KDM4C: variants seen among roughly 807,000 people sequenced by gnomAD.
KDM4C encodes the protein lysine-specific demethylase 4C.
KDM4C carries 81 observed loss-of-function variants against 129.3 expected under a neutral mutation model. That is an observed-to-expected ratio of 0.63 (90% CI 0.52 to 0.75). The LOEUF (loss-of-function observed/expected upper bound fraction) is 0.75, where lower values mean the gene tolerates loss of function less well. Among genes scored for constraint, KDM4C ranks in the 30% least tolerant of loss-of-function variants. KDM4C has a pLI of 0.00. For synonymous variants in KDM4C, 573 were observed against 456.1 expected, an observed-to-expected ratio of 1.26 and a Z score of -3.26; for missense variants, 1,457 against 1,304.0, an observed-to-expected ratio of 1.12 and a Z score of -1.81.
intron 8 of KDM4C, among the ~76,000 whole-genome samples, chr9:6,968,417 G>T (rs1488128683): frequency 1.3e-5 from 2 of 152,170 alleles, no homozygotes; most frequent in East Asian, 3.8e-4. Flanking sequence ...TCTTGGTGAA[G>T]CAGTTTTTTA....
At position 6,919,418 on chromosome 9, in the gene KDM4C, G is replaced by GA. The variant is rs988206177; in HGVS notation, c.921+26195dup. ...AGTTCCTTTTGCTGTGCAGAAGCTT[G>GA]AAAAAAAAATCTTAATCCCTCTTTC... is the stretch of plus-strand genomic sequence containing the variant. On this transcript the variant is annotated intron_variant, in intron 8 of 21. Transcript: ENST00000381309. Among the ~76,000 whole-genome samples the GA allele has an allele frequency of 1.4e-4, 21 of 149,008 alleles. No individual in the cohort carries two copies. In the South Asian group the frequency reaches 1.5e-3, roughly 11 times the overall value.
intron 1 of KDM4C, among the ~76,000 whole-genome samples, chr9:6,771,288 T>C (rs2130620691): frequency 6.6e-6 from 1 of 151,450 alleles, no homozygotes; most frequent in African/African-American, 2.4e-5. Context: ...TCTTGAAATA[T>C]GTTTTCTAAG....
At chr9:6,886,809 C>T (rs1297207943) in intron 6 of KDM4C, among the ~76,000 whole-genome samples, 1 of 151,742 alleles carries the variant, frequency 6.6e-6, no homozygotes, top group Non-Finnish European at 1.5e-5. Context: ...TTTAGTAGAA[C>T]CCGGGTTTTG....
At chr9:6,854,539 A>C (rs1043346455) in intron 5 of KDM4C, among the ~76,000 whole-genome samples, 76 of 145,866 alleles carry the variant, frequency 5.2e-4, no homozygotes, top group Non-Finnish European at 7.7e-4. Flanking sequence ...AAAAAAAAAA[A>C]AAAAAACAAA....
At chr9:6,951,726 A>G (rs1329308683) in intron 8 of KDM4C, among the ~76,000 whole-genome samples, 1 of 152,210 alleles carries the variant, frequency 6.6e-6, no homozygotes, top group African/African-American at 2.4e-5. Context: ...TCATTGTCCT[A>G]TTTCATGCAT....
At chr9:6,742,378 A>G (rs1387441156) in intron 1 of KDM4C, among the ~76,000 whole-genome samples, 1 of 151,530 alleles carries the variant, frequency 6.6e-6, no homozygotes, top group Admixed American at 6.6e-5. Flanking sequence ...CTCAATTTGG[A>G]TTCATTTGGA....
intron 4 of KDM4C, among the ~76,000 whole-genome samples, chr9:6,828,893 G>T (rs960725238): frequency 6.6e-6 from 1 of 152,044 alleles, no homozygotes; most frequent in Admixed American, 6.6e-5. Flanking sequence ...AATTGGGTTG[G>T]ATAGGATGTG....
chr9:6,757,644 A>G (rs1413935410), upstream of KDM4C: 4 of 985,370 alleles, frequency 4.1e-6, no homozygotes, highest in Non-Finnish European at 4.8e-6. Context: ...GGAGGCCGCC[A>G]TAGGTGCGCG....
chr9:6,748,761 AGTT>A, intron 1 of KDM4C: 1 of 1,469,760 alleles, frequency 6.8e-7, no homozygotes, highest in Admixed American at 1.7e-5. Context: ...GATCCGACCC[AGTT>A]GTTTTCTTGA....
At chr9:6,917,076 G>A (rs1372278329) in intron 8 of KDM4C, among the ~76,000 whole-genome samples, 1 of 152,104 alleles carries the variant, frequency 6.6e-6, no homozygotes, top group African/African-American at 2.4e-5. Context: ...GTTTATATAG[G>A]TATGAATTAT....
chr9:6,949,847 C>A (rs144313312), intron 8 of KDM4C, among the ~76,000 whole-genome samples: 5 of 138,360 alleles, frequency 3.6e-5, no homozygotes, highest in Non-Finnish European at 7.7e-5. Context: ...AGAGGGAGAC[C>A]GTGGGGAGAG....
chr9:6,922,705 C>A (rs553563523), intron 8 of KDM4C, among the ~76,000 whole-genome samples: 1 of 152,250 alleles, frequency 6.6e-6, no homozygotes, highest in African/African-American at 2.4e-5. Context: ...CATGATTGCA[C>A]CACTGTACTC....
At chr9:7,156,833 T>C (rs1240505576) in intron 19 of KDM4C, among the ~76,000 whole-genome samples, 2 of 152,190 alleles carry the variant, frequency 1.3e-5, no homozygotes, top group African/African-American at 4.8e-5. Flanking sequence ...CTTGGCAATG[T>C]GGGTTCTTTT....
At chr9:6,759,400 A>G (rs1309969703) in intron 1 of KDM4C, among the ~76,000 whole-genome samples, 2 of 152,110 alleles carry the variant, frequency 1.3e-5, no homozygotes, top group African/African-American at 4.8e-5. Flanking sequence ...TCCATTTTTT[A>G]TTAGGAAGCA....
At chr9:6,805,233 G>T (rs552010373) in intron 2 of KDM4C, among the ~76,000 whole-genome samples, 3 of 152,214 alleles carry the variant, frequency 2.0e-5, no homozygotes, top group Admixed American at 6.5e-5. Context: ...TAACATAATC[G>T]CTCAGTGTGA....
intron 17 of KDM4C, among the ~76,000 whole-genome samples, chr9:7,079,522 A>T (rs1019849861): frequency 6.6e-6 from 1 of 152,198 alleles, no homozygotes; most frequent in African/African-American, 2.4e-5. Flanking sequence ...GTGTTTCGCC[A>T]TGTTGGCCAG....
At chr9:6,960,884 C>G (rs1829923680) in intron 8 of KDM4C, among the ~76,000 whole-genome samples, 2 of 152,100 alleles carry the variant, frequency 1.3e-5, no homozygotes, top group African/African-American at 4.8e-5. Context: ...TTGAGAACCA[C>G]TAGGCTAGTG....
chr9:6,962,757 A>C (rs1830243553), intron 8 of KDM4C, among the ~76,000 whole-genome samples: 1 of 152,190 alleles, frequency 6.6e-6, no homozygotes, highest in Non-Finnish European at 1.5e-5. Context: ...ATAATACTTA[A>C]ATGCATTTAG....
At chr9:6,795,370 T>TG (rs1827533728) in intron 2 of KDM4C, among the ~76,000 whole-genome samples, 1 of 152,232 alleles carries the variant, frequency 6.6e-6, no homozygotes, top group Non-Finnish European at 1.5e-5. Flanking sequence ...CTCGCTCTGT[T>TG]GCCCAGGCAG....
Sources: gnomAD v4.1 joint callset for allele counts (sites outside exome capture counted in the v4.1 genomes callset) on GRCh38, gnomAD v4.1.1 for gene constraint, MANE v1.5 for transcripts, NCBI Gene and HGNC (gene_info 2026-07-23, HGNC 2026-07-21) for gene names.